The following SHANK2 variants were observed in gnomAD, a reference collection of about 807,000 sequenced individuals.
The protein encoded by SHANK2 is SH3 and multiple ankyrin repeat domains protein 2.
SHANK2 carries 43 observed loss-of-function variants against 133.7 expected under a neutral mutation model. That is an observed-to-expected ratio of 0.32 (90% CI 0.25 to 0.41). SHANK2 has a LOEUF of 0.41. Among genes scored for constraint, SHANK2 ranks in the 10% least tolerant of loss-of-function variants. SHANK2 has a pLI of 1.00. For synonymous variants in SHANK2, 1,017 were observed against 952.8 expected, an observed-to-expected ratio of 1.07 and a Z score of -1.24; for missense variants, 1,994 against 2,235.8, an observed-to-expected ratio of 0.89 and a Z score of 2.18.
rs182400674 is a variant in SHANK2 at position 70,708,889 on chromosome 11, C to G, written c.1778-10126G>C. ...AAGGCCTTCTGATGTGTGGACCCCC[C>G]CTGCTGACCTCCAGGGCAGGTTTTA... On this transcript the variant is annotated intron_variant, in intron 14 of 25. Coordinates refer to ENST00000601538, the MANE Select transcript of SHANK2 (RefSeq NM_012309.5). 6.2e-4 allele frequency among the ~76,000 whole-genome samples: 95 copies of G among 152,322 alleles called. 3 individuals are homozygous for G. Among genetic ancestry groups the G allele is most frequent in the Middle Eastern group, 3.4e-3 (1 of 294 alleles).
chr11:71,196,124 G>A (rs541766808), intron 2 of SHANK2, among the ~76,000 whole-genome samples: 10 of 152,030 alleles, frequency 6.6e-5, no homozygotes, highest in East Asian at 3.9e-4. Flanking sequence ...TTGAGTCTGC[G>A]GCTGCAGTGA....
At chr11:70,533,157 C>T (rs955218925) in intron 17 of SHANK2, among the ~76,000 whole-genome samples, 3 of 152,148 alleles carry the variant, frequency 2.0e-5, no homozygotes, top group Admixed American at 6.5e-5. Context: ...TGTCCAGGAA[C>T]CGGAAGAAGG....
chr11:71,064,650 G>A (rs1951026350), intron 9 of SHANK2, among the ~76,000 whole-genome samples: 1 of 151,474 alleles, frequency 6.6e-6, no homozygotes, highest in African/African-American at 2.4e-5. Context: ...AGGCAAGGGT[G>A]AGAAGGGTGG....
At chr11:70,647,860 T>G (rs1453699241) in intron 17 of SHANK2, among the ~76,000 whole-genome samples, 1 of 152,276 alleles carries the variant, frequency 6.6e-6, no homozygotes, top group Admixed American at 6.5e-5. Flanking sequence ...CTCTGGGGTG[T>G]GCATCAGCAG....
intron 10 of SHANK2, among the ~76,000 whole-genome samples, chr11:70,909,978 C>T (rs1555078632): frequency 1.3e-5 from 2 of 152,174 alleles, no homozygotes. Context: ...CATCGCAGGG[C>T]TAGGTCCTCC....
Position 70,896,524 on chromosome 11 carries a change from T to C in SHANK2, c.1151A>G (p.Lys384Arg), listed in dbSNP as rs1290829170. ...ACCAATGTCTGTTTCCTTGTGGTTC[T>C]TGATGTATTCTGCCAGCTCAAAGTT... ...AGNFELAEYI[K>R]NHKETDIVPF... is the part of the protein sequence containing the mutation. Residue 384 changes from lysine to arginine, a missense_variant, in exon 11 of 26, where the codon AAG becomes AGG. Lys to Arg is a conservative substitution (Grantham distance 26). Transcript: ENST00000601538. The C allele has an allele frequency of 2.8e-6, 2 of 718,792 alleles. No homozygotes were observed. The highest frequency in any genetic ancestry group is 1.7e-5 in the African/African-American group (1 of 57,286). 44.5% of individuals were successfully genotyped at this position (718,792 alleles called of 1,614,324 possible). A position where few individuals can be genotyped will look rare whatever the true frequency, so the allele number is the denominator to read the frequency against.
At chr11:70,777,973 G>A (rs1327315060) in intron 14 of SHANK2, among the ~76,000 whole-genome samples, 3 of 152,178 alleles carry the variant, frequency 2.0e-5, no homozygotes, top group African/African-American at 7.2e-5. Context: ...CATGTTTCCT[G>A]GGTATCTGCA....
At chr11:70,543,343 C>A (rs2059646856) in intron 17 of SHANK2, among the ~76,000 whole-genome samples, 1 of 152,188 alleles carries the variant, frequency 6.6e-6, no homozygotes, top group African/African-American at 2.4e-5. Flanking sequence ...AGAATGGGGG[C>A]TGGTTACCAA....
intron 2 of SHANK2, among the ~76,000 whole-genome samples, chr11:71,197,664 T>C (rs1953933930): frequency 1.3e-5 from 2 of 152,222 alleles, no homozygotes; most frequent in South Asian, 4.1e-4. Flanking sequence ...TATTTATTTA[T>C]TTTTGAGACA....
chr11:70,933,062 A>G, intron 10 of SHANK2: 2 of 450,034 alleles, frequency 4.4e-6, no homozygotes, highest in South Asian at 3.1e-5. Flanking sequence ...GTATTTGCAC[A>G]CTCATGTCCA....
At chr11:71,170,574 G>A (rs558858774) in intron 2 of SHANK2, among the ~76,000 whole-genome samples, 1 of 152,256 alleles carries the variant, frequency 6.6e-6, no homozygotes, top group East Asian at 1.9e-4. Flanking sequence ...GTGCTAGCTG[G>A]GTGTGTACCT....
intron 12 of SHANK2, among the ~76,000 whole-genome samples, chr11:70,814,572 C>T (rs781947321): frequency 2.0e-5 from 3 of 152,230 alleles, no homozygotes; most frequent in Non-Finnish European, 4.4e-5. Flanking sequence ...AACGCAGCTG[C>T]ACCTCAGTTC....
At chr11:70,915,083 C>T (rs1274854369) in intron 10 of SHANK2, among the ~76,000 whole-genome samples, 3 of 152,070 alleles carry the variant, frequency 2.0e-5, no homozygotes, top group Non-Finnish European at 2.9e-5. Context: ...TGGGTGAAGC[C>T]GACAGCTATT....
At chr11:70,771,824 G>A (rs996670962) in intron 14 of SHANK2, among the ~76,000 whole-genome samples, 10 of 152,308 alleles carry the variant, frequency 6.6e-5, no homozygotes, top group South Asian at 6.2e-4. Context: ...CCAAATCCCC[G>A]TTCCCAGTTG....
In SHANK2 at chr11:70,522,212, G is replaced by A. The variant is rs1023680797; in HGVS notation, c.2062-19281C>T. Among the ~76,000 whole-genome samples the A allele has an allele frequency of 5.9e-5, 9 of 152,210 alleles. No homozygotes were observed. In the South Asian group the frequency reaches 8.3e-4, roughly 14 times the overall value. On this transcript the variant is annotated intron_variant, in intron 17 of 25. Transcript: ENST00000601538. ...CACTTGCTGTGCAGCCGCCATCGCC[G>A]TTTCTGCTCTGTCCTTGTTGGTCTC...
At chr11:71,169,111 G>T (rs1555111704) in intron 2 of SHANK2, among the ~76,000 whole-genome samples, 1 of 152,168 alleles carries the variant, frequency 6.6e-6, no homozygotes, top group Non-Finnish European at 1.5e-5. Flanking sequence ...GAAGGGGAAA[G>T]CTTTATGGGG....
At chr11:70,570,903 G>A (rs558339814) in intron 17 of SHANK2, among the ~76,000 whole-genome samples, 14 of 152,226 alleles carry the variant, frequency 9.2e-5, no homozygotes, top group Non-Finnish European at 1.8e-4. Context: ...GGCTCTGAGA[G>A]TGGACAGTTT....
chr11:70,696,903 G>A (rs782225343), intron 15 of SHANK2, among the ~76,000 whole-genome samples: 23 of 152,178 alleles, frequency 1.5e-4, no homozygotes, highest in Non-Finnish European at 2.8e-4. Context: ...AATGTGGTCC[G>A]TCCATACAAT....
In SHANK2 at chr11:70,882,440, T is replaced by A. The variant is rs1555072607; in HGVS notation, c.1174+14061A>T. Among the ~76,000 whole-genome samples the A allele has an allele frequency of 6.6e-6, 1 of 152,158 alleles. No homozygotes were observed. The highest frequency in any genetic ancestry group is 1.5e-5 in the Non-Finnish European group (1 of 68,026). ...CTCAGAGTGATGGGGAAATTGATTT[T>A]CCTTGATAAAATGGCCCAGTGAAAA... On this transcript the variant is annotated intron_variant, in intron 11 of 25. Transcript: ENST00000601538. This position sits in a 1 kb window ranked among gnomAD's most constrained non-coding sequence, Gnocchi z 4.2.
Sources: allele counts gnomAD v4.1 joint callset (sites outside exome capture counted in the v4.1 genomes callset), GRCh38; gene constraint gnomAD v4.1.1; non-coding constraint Gnocchi (gnomAD v3.1); transcripts MANE v1.5; gene names NCBI Gene and HGNC (gene_info 2026-07-23, HGNC 2026-07-21).